Variants in DNAH9 observed in about 807,000 individuals in gnomAD.
DNAH9 encodes the protein DNAH9 variant protein.
In DNAH9, 345 loss-of-function variants were observed where a neutral mutation model predicts 471.6. The ratio of observed to expected loss-of-function variants is 0.73; its 90% CI spans 0.67 to 0.80. DNAH9 has a LOEUF of 0.80. Ranked by LOEUF, DNAH9 falls within the 30% of genes least tolerant of loss-of-function variation. The pLI is 0.00. For missense variants in DNAH9, 5,407 were observed against 5,609.2 expected, an observed-to-expected ratio of 0.96 and a Z score of 1.15; for synonymous variants, 2,093 against 2,123.6, an observed-to-expected ratio of 0.99 and a Z score of 0.40.
In DNAH9 at chr17:11,598,733, A is replaced by C; in HGVS notation, c.235A>C (p.Arg79=). The change falls in exon 1 of 69, where the codon AGG becomes CGG. Residue 79 remains arginine, a synonymous_variant. Transcript: ENST00000262442. Reference sequence around the variant, plus strand: ...GCTGCTGGTGGTGCGGCCCGGGCCCAGGGGCCTGGCAATACGCCCCGGGCT... The same window carrying C: ...GCTGCTGGTGGTGCGGCCCGGGCCCCGGGGCCTGGCAATACGCCCCGGGCT... ...RPLLVVRPGP[R]GLAIRPGLEV... The C allele has an allele frequency of 7.1e-7, 1 of 1,399,174 alleles. No homozygotes were observed. The highest frequency in any genetic ancestry group is 1.5e-5 in the South Asian group (1 of 65,158). 86.7% of individuals were successfully genotyped at this position (1,399,174 alleles called of 1,614,324 possible).
Position 11,623,061 on chromosome 17 carries a change from C to T in DNAH9, c.1350+3280C>T, listed in dbSNP as rs529662849. 1.9e-4 allele frequency among the ~76,000 whole-genome samples: 29 copies of T among 150,942 alleles called. No individual in the cohort carries two copies. The highest frequency in any genetic ancestry group is 3.3e-4 in the Admixed American group (5 of 15,124). On this transcript the variant is annotated intron_variant, in intron 6 of 68. Transcript: ENST00000262442. The surrounding 1 kb of genome is among the most constrained non-coding windows in gnomAD (Gnocchi z 4.1). ...CAATCTCGGCTCACGACAACCTCTGCCTCCTGGGTTCAAGCGATTCTCCTG... is the reference window on the plus strand; with the variant it reads ...CAATCTCGGCTCACGACAACCTCTGTCTCCTGGGTTCAAGCGATTCTCCTG...
At chr17:11,911,758 T>C (rs1184097996) in intron 61 of DNAH9, among the ~76,000 whole-genome samples, 2 of 152,218 alleles carry the variant, frequency 1.3e-5, no homozygotes, top group Non-Finnish European at 2.9e-5. Flanking sequence ...TAAGTTCTTT[T>C]AACTATGTTT....
At position 11,693,702 on chromosome 17, in the gene DNAH9, G is replaced by A. The variant is rs147332257; in HGVS notation, c.4615-166G>A. Among the ~76,000 whole-genome samples, 319 of 152,202 alleles carry A rather than the reference G, an allele frequency of 2.1e-3. 1 individual carries two copies. Among genetic ancestry groups the A allele is most frequent in the African/African-American group, 7.1e-3 (295 of 41,512 alleles). ...TAAACAATTTTTGAAAATGTAAATG[G>A]GTTCTAAGCTGAATGCAGCTTAAAC... On this transcript the variant is annotated intron_variant, in intron 20 of 68. Coordinates refer to ENST00000262442, the MANE Select transcript of DNAH9 (RefSeq NM_001372.4).
intron 31 of DNAH9, 48 bp from the exon 32 acceptor site, chr17:11,747,508 A>C (rs2150843759): frequency 1.4e-6 from 2 of 1,480,262 alleles, no homozygotes; most frequent in Non-Finnish European, 9.4e-7. Context: ...GTTGGGATGC[A>C]GGTGAGTCAC....
chr17:11,816,658 A>G (rs1007392471), intron 45 of DNAH9, among the ~76,000 whole-genome samples: 12 of 152,192 alleles, frequency 7.9e-5, no homozygotes, highest in African/African-American at 2.7e-4. Context: ...TTTTATCACC[A>G]AAGTCCAACT....
Position 11,854,105 on chromosome 17 carries a change from A to C in DNAH9, c.9610A>C (p.Lys3204Gln). Reference protein sequence around the residue: ...VLMAPRGRVPKDRSWKAAKVT... With the variant: ...VLMAPRGRVPQDRSWKAAKVT... ...GATGGCTCCCAGGGGTAGGGTGCCC[A>C]AGGACCGGAGCTGGAAGGCTGCTAA... is the stretch of plus-strand genomic sequence containing the variant. The change falls in exon 50 of 69, where the codon AAG becomes CAG. Residue 3204 changes from lysine (K) to glutamine (Q), a missense_variant. Around this residue, in one of 3 missense-constraint regions of DNAH9, gnomAD observed 4,636 missense variants for 4,900.3 expected, o/e 0.95. Coordinates refer to ENST00000262442, the MANE Select transcript of DNAH9 (RefSeq NM_001372.4). 1 of 1,614,152 alleles carries C rather than the reference A, an allele frequency of 6.2e-7. No homozygotes were observed. Among genetic ancestry groups the C allele is most frequent in the Non-Finnish European group, 8.5e-7 (1 of 1,180,024 alleles).
Position 11,949,862 on chromosome 17 carries a change from C to G in DNAH9, c.12843+7377C>G, listed in dbSNP as rs548452263. On this transcript the variant is annotated intron_variant, in intron 67 of 68. Transcript: ENST00000262442. ...TCCCTGCTTCACTGACAAGCTGAGACAGAACATTCTTTGGAGTTCCATCAC... is the reference window on the plus strand; with the variant it reads ...TCCCTGCTTCACTGACAAGCTGAGAGAGAACATTCTTTGGAGTTCCATCAC... Among the ~76,000 whole-genome samples, 27 of 152,294 alleles carry G rather than the reference C, an allele frequency of 1.8e-4. 1 individual carries two copies. Among genetic ancestry groups the G allele is most frequent in the Admixed American group, 9.8e-4 (15 of 15,292 alleles).
At chr17:11,728,691 G>A (rs538080094) in intron 28 of DNAH9, among the ~76,000 whole-genome samples, 17 of 152,264 alleles carry the variant, frequency 1.1e-4, no homozygotes, top group African/African-American at 2.6e-4. Flanking sequence ...AACAATCGGA[G>A]CAGTAGGAGG....
At chr17:11,933,825 G>T in intron 64 of DNAH9, 55 bp from the exon 65 acceptor site, 1 of 1,539,900 alleles carries the variant, frequency 6.5e-7, no homozygotes, top group Non-Finnish European at 8.8e-7. Context: ...GGCCAGCCCC[G>T]ACGCCTGTGT....
chr17:11,675,218 C>T (rs936362215), intron 17 of DNAH9, among the ~76,000 whole-genome samples: 2 of 151,642 alleles, frequency 1.3e-5, no homozygotes, highest in Non-Finnish European at 1.5e-5. Flanking sequence ...TTTTTCAGTT[C>T]GTAGTATAAA....
Position 11,943,319 on chromosome 17 carries a change from G to A in DNAH9, c.12843+834G>A, listed in dbSNP as rs75495338. Among the ~76,000 whole-genome samples, 6 of 152,244 alleles carry A rather than the reference G, an allele frequency of 3.9e-5. No homozygotes were observed. The East Asian group carries it at 9.7e-4, about 25-fold the overall frequency. On this transcript the variant is annotated intron_variant, in intron 67 of 68. Transcript: ENST00000262442. ...TGGGGTTAAACACCTAGGGTCACACGTGGATAGGAAAAACACATATGAGTT... is the reference window on the plus strand; with the variant it reads ...TGGGGTTAAACACCTAGGGTCACACATGGATAGGAAAAACACATATGAGTT...
At chr17:11,960,915 G>C (rs901274395) in intron 67 of DNAH9, among the ~76,000 whole-genome samples, 1 of 152,212 alleles carries the variant, frequency 6.6e-6, no homozygotes, top group African/African-American at 2.4e-5. Flanking sequence ...GCCAAACGCT[G>C]TCAGGTGCCC....
intron 27 of DNAH9, chr17:11,723,417 C>T (rs1454782508): frequency 6.6e-6 from 1 of 152,242 alleles, no homozygotes; most frequent in African/African-American, 2.4e-5. Flanking sequence ...TCCCAAAGCT[C>T]ACCATCCCAC....
chr17:11,927,651 C>T (rs1974376919), intron 62 of DNAH9, among the ~76,000 whole-genome samples: 1 of 152,156 alleles, frequency 6.6e-6, no homozygotes, highest in Non-Finnish European at 1.5e-5. Flanking sequence ...TGCCTGAGGA[C>T]CCTGACCCAG....
rs150792248 is a variant in DNAH9 at position 11,689,676 on chromosome 17, A to G, written c.3854A>G (p.Asn1285Ser). The change falls in exon 20 of 69, where the codon AAT (asparagine) becomes AGT (serine). Residue 1285 changes from asparagine (N) to serine (S), a missense_variant. Physicochemically the swap from Asn to Ser is conservative, Grantham distance 46. This residue lies in a region of DNAH9 where 4,636 missense variants were observed against 4,900.3 expected (regional missense o/e 0.95). Transcript: ENST00000262442. ...ISESASLFEV[N>S]VPDYKQLRQC... ...GAGTCTGCCAGCTTATTTGAAGTCA[A>G]TGTCCCTGACTATAAGCAGCTGAGG... The G allele has an allele frequency of 5.6e-6, 9 of 1,614,012 alleles. No homozygotes were observed. In the African/African-American group the frequency reaches 9.3e-5, roughly 17 times the overall value.
chr17:11,639,570 ACT>A (rs1397216393), intron 9 of DNAH9, among the ~76,000 whole-genome samples: 1 of 152,158 alleles, frequency 6.6e-6, no homozygotes, highest in Non-Finnish European at 1.5e-5. Context: ...TCTCACAGAA[ACT>A]CTGGAAGTTA....
rs1260296712 is a variant in DNAH9, at chr17:11,744,907, G to A, written c.6222G>A (p.Leu2074=). ...AGGACCAGGTCCTGATGCGCTCCTT[G>A]CGGGATTTCAACATCCCCAAGATTG... The part of the protein sequence containing the change: ...RPEDQVLMRS[L]RDFNIPKIVT... The change falls in exon 31 of 69, where the codon TTG becomes TTA. Residue 2074 remains leucine, a synonymous_variant. Transcript: ENST00000262442. 1 of 1,614,196 alleles carries A rather than the reference G, an allele frequency of 6.2e-7. No homozygotes were observed.
At chr17:11,708,004 C>G (rs62061780) in intron 26 of DNAH9, among the ~76,000 whole-genome samples, 1,008 of 48,646 alleles carry the variant, frequency 0.021, 4 homozygotes, top group East Asian at 0.048. Context: ...CACACACACA[C>G]ACACACACAC....
chr17:11,938,463 A>C (rs1315410375), intron 66 of DNAH9, among the ~76,000 whole-genome samples: 9 of 151,126 alleles, frequency 6.0e-5, no homozygotes, highest in Admixed American at 4.0e-4. Flanking sequence ...CTCCAAAAAA[A>C]AAAAAACAAA....
Sources: gnomAD v4.1 joint callset for allele counts (sites outside exome capture counted in the v4.1 genomes callset) on GRCh38, gnomAD v4.1.1 for gene constraint, gnomAD v4.1.1 regional missense constraint, Gnocchi (gnomAD v3.1) non-coding constraint, MANE v1.5 for transcripts, NCBI Gene and HGNC (gene_info 2026-07-23, HGNC 2026-07-21) for gene names.